The following AP1G1 variants were observed in gnomAD, a reference collection of about 807,000 sequenced individuals.
AP1G1 encodes the protein adaptor related protein complex 1 subunit gamma 1.
A neutral mutation model predicts 108.3 loss-of-function variants in AP1G1; 7 were observed. That is an observed-to-expected ratio of 0.06 (90% CI 0.04 to 0.12). AP1G1 has a LOEUF of 0.12. Among genes scored for constraint, AP1G1 ranks in the 10% least tolerant of loss-of-function variants. The pLI, the probability that AP1G1 is intolerant of heterozygous loss-of-function variation, is 1.00. For synonymous variants in AP1G1, 379 were observed against 353.5 expected (o/e 1.07, Z -0.81); for missense variants, 756 against 1,010.7 (o/e 0.75, Z 3.42).
In AP1G1 at chr16:71,745,206, G is replaced by T; in HGVS notation, c.1937C>A (p.Thr646Lys). ...DITPVIPTAP[T>K]SKPSSAGGEL... ...TCCACCAGCAGAAGATGGTTTGCTT[G>T]TAGGCGCAGTTGGAATAACAGGTGT... The change falls in exon 19 of 23, where the codon ACA becomes AAA. Residue 646 changes from threonine to lysine, a missense_variant. By Grantham distance (78) the Thr-to-Lys change is moderately conservative. Around this residue, in one of 3 missense-constraint regions of AP1G1, gnomAD observed 357 missense variants for 366.5 expected, o/e 0.97. Transcript: ENST00000299980. The T allele has an allele frequency of 6.2e-7, 1 of 1,614,172 alleles. No individual in the cohort carries two copies. The highest frequency in any genetic ancestry group is 8.5e-7 in the Non-Finnish European group (1 of 1,180,016).
rs538790375 is a variant in AP1G1 at position 71,749,562 on chromosome 16, G to A, written c.1497+332C>T. On this transcript the variant is annotated intron_variant, in intron 15 of 22. Transcript: ENST00000299980. ...TGGCAGGTTTTCCAATATAATTCGC[G>A]TTTGCTTCTTTAAAAAGTTGGGTAT... Among the ~76,000 whole-genome samples, 12 of 151,790 alleles carry A rather than the reference G, an allele frequency of 7.9e-5. 1 individual carries two copies. The South Asian group carries it at 8.3e-4, about 11-fold the overall frequency.
chr16:71,787,867 A>AAT (rs2032264452), intron 2 of AP1G1, among the ~76,000 whole-genome samples: 1 of 152,236 alleles, frequency 6.6e-6, no homozygotes, highest in African/African-American at 2.4e-5. Flanking sequence ...ATTTTTAGAA[A>AAT]CTATTCATGT....
chr16:71,730,339 G>C lies in AP1G1; in HGVS notation c.*2719C>G, dbSNP rs941159119. 1 of 152,302 alleles carries C rather than the reference G, an allele frequency of 6.6e-6. No homozygotes were observed. Among genetic ancestry groups the C allele is most frequent in the Non-Finnish European group, 1.5e-5 (1 of 68,028 alleles). 9.4% of individuals were successfully genotyped at this position (152,302 alleles called of 1,614,324 possible). A position where few individuals can be genotyped will look rare whatever the true frequency, so the allele number is the denominator to read the frequency against. ...AGAAACTAGAATAGAAACGACTCTT[G>C]AAGAGGGAAATAATGAAGTACAAGT... On this transcript the variant is annotated 3_prime_UTR_variant, in exon 23 of 23. Transcript: ENST00000299980.
At chr16:71,733,448 C>A (rs1302572208) in intron 22 of AP1G1, among the ~76,000 whole-genome samples, 1 of 152,152 alleles carries the variant, frequency 6.6e-6, no homozygotes, top group Non-Finnish European at 1.5e-5. Flanking sequence ...TTTTTCTTTT[C>A]TTTTCTTTTG....
At chr16:71,747,172 A>G (rs1238706418) in intron 16 of AP1G1, 2 of 152,310 alleles carry the variant, frequency 1.3e-5, no homozygotes, top group Non-Finnish European at 2.9e-5. Flanking sequence ...CTTCACATTT[A>G]AAAGTGAAGC....
chr16:71,799,187 G>A (rs911990706), intron 1 of AP1G1, among the ~76,000 whole-genome samples: 2 of 152,122 alleles, frequency 1.3e-5, no homozygotes, highest in African/African-American at 4.8e-5. Context: ...ATGATATGGA[G>A]AAGTTACTGC....
intron 11 of AP1G1, 67 bp from the exon 12 acceptor site, chr16:71,756,226 A>G: frequency 6.8e-7 from 1 of 1,471,038 alleles, no homozygotes; most frequent in Middle Eastern, 1.9e-4. Context: ...AGACCCAGGT[A>G]TGCACTCTGT....
rs1466336005 is a variant in AP1G1, at chr16:71,746,876, A to G, written c.1626-184T>C. The G allele has an allele frequency of 1.0e-5, 5 of 482,014 alleles. No homozygotes were observed. In the East Asian group the frequency reaches 1.8e-4, roughly 17 times the overall value. 29.9% of individuals were successfully genotyped at this position (482,014 alleles called of 1,614,324 possible). A position where few individuals can be genotyped will look rare whatever the true frequency, so the allele number is the denominator to read the frequency against. On this transcript the variant is annotated intron_variant, in intron 16 of 22. Transcript: ENST00000299980. Reference sequence around the variant, plus strand: ...TCCATTTATCTGACATTCGCATTATACTATTCTCATTGTAACACTAGATTT... The same window carrying G: ...TCCATTTATCTGACATTCGCATTATGCTATTCTCATTGTAACACTAGATTT...
intron 2 of AP1G1, among the ~76,000 whole-genome samples, chr16:71,779,136 T>G (rs2031904592): frequency 6.6e-6 from 1 of 152,132 alleles, no homozygotes; most frequent in Non-Finnish European, 1.5e-5. Flanking sequence ...GCAACAAGCC[T>G]AAGAGATCGA....
chr16:71,755,588 G>A (rs531642900), intron 12 of AP1G1, among the ~76,000 whole-genome samples: 1 of 152,272 alleles, frequency 6.6e-6, no homozygotes, highest in African/African-American at 2.4e-5. Flanking sequence ...TTATAATTGA[G>A]GGTTTGAAAT....
At chr16:71,788,885 G>A (rs1317651134) in intron 2 of AP1G1, among the ~76,000 whole-genome samples, 1 of 151,496 alleles carries the variant, frequency 6.6e-6, no homozygotes, top group East Asian at 1.9e-4. Flanking sequence ...TCAAACTCCT[G>A]GCCTCAAGTG....
intron 1 of AP1G1, among the ~76,000 whole-genome samples, chr16:71,803,623 T>C (rs2032887097): frequency 6.6e-6 from 1 of 152,070 alleles, no homozygotes; most frequent in African/African-American, 2.4e-5. Flanking sequence ...AGAAAAAAAC[T>C]TAACACGTAT....
chr16:71,739,226 C>A lies in AP1G1; in HGVS notation c.2107+8G>T. Reference sequence around the variant, plus strand: ...TCCATGTAATGATGGTAACAACAGTCATCGTACCTGCAGCAATATCATTGA... The same window carrying A: ...TCCATGTAATGATGGTAACAACAGTAATCGTACCTGCAGCAATATCATTGA... On this transcript the variant is annotated splice_region_variant and intron_variant, in intron 20 of 22. Transcript: ENST00000299980. 6.2e-7 allele frequency: 1 copy of A among 1,612,006 alleles called. No individual in the cohort carries two copies. The highest frequency in any genetic ancestry group is 1.1e-5 in the South Asian group (1 of 90,894).
intron 1 of AP1G1, among the ~76,000 whole-genome samples, chr16:71,793,300 A>G (rs1166405923): frequency 6.6e-6 from 1 of 152,208 alleles, no homozygotes; most frequent in African/African-American, 2.4e-5. Flanking sequence ...TTATTATCTC[A>G]AGCAGCCAAT....
intron 6 of AP1G1, among the ~76,000 whole-genome samples, chr16:71,768,833 G>T (rs1238760802): frequency 7.0e-6 from 1 of 143,002 alleles, no homozygotes; most frequent in Non-Finnish European, 1.5e-5. Flanking sequence ...CAGGAGAATG[G>T]CATGAACCCG....
chr16:71,758,984 T>A, intron 10 of AP1G1, 63 bp from the exon 11 acceptor site: 1 of 916,572 alleles, frequency 1.1e-6, no homozygotes, highest in Non-Finnish European at 1.7e-6. Flanking sequence ...TTTTTCTCCG[T>A]TTAAATAATA....
At chr16:71,746,099 T>C (rs2145429358) in intron 17 of AP1G1, among the ~76,000 whole-genome samples, 2 of 152,250 alleles carry the variant, frequency 1.3e-5, no homozygotes, top group South Asian at 2.1e-4. Flanking sequence ...AACATCCGCC[T>C]CCCAGGTTCA....
intron 19 of AP1G1, chr16:71,742,538 T>C (rs2029920499): frequency 6.6e-6 from 1 of 152,200 alleles, no homozygotes; most frequent in African/African-American, 2.4e-5. Flanking sequence ...AAATATCTTA[T>C]GGAGTAAGTA....
At chr16:71,774,280 A>G in intron 3 of AP1G1, 188 bp downstream of exon 3, 1 of 567,448 alleles carries the variant, frequency 1.8e-6, no homozygotes, top group Non-Finnish European at 3.0e-6. Context: ...CAGGAGGCTG[A>G]GGCAGGAGAA....
Sources: gnomAD v4.1 joint callset for allele counts (sites outside exome capture counted in the v4.1 genomes callset) on GRCh38, gnomAD v4.1.1 for gene constraint, gnomAD v4.1.1 regional missense constraint, MANE v1.5 for transcripts, NCBI Gene and HGNC (gene_info 2026-07-23, HGNC 2026-07-21) for gene names.